Variants in ABCB5 observed in about 807,000 individuals in gnomAD.
ABCB5 encodes ATP binding cassette subfamily B member 5.
In ABCB5, 155 loss-of-function variants were observed where a neutral mutation model predicts 144.2. The ratio of observed to expected loss-of-function variants is 1.08; its 90% CI spans 0.94 to 1.23. The LOEUF (loss-of-function observed/expected upper bound fraction) is 1.23. Among genes scored for constraint, ABCB5 ranks in the 50% most tolerant of loss-of-function variants. The pLI is 0.00. For missense variants in ABCB5, 1,830 were observed against 1,520.8 expected, an observed-to-expected ratio of 1.20 and a Z score of -3.38; for synonymous variants, 610 against 528.6, an observed-to-expected ratio of 1.15 and a Z score of -2.11.
chr7:20,638,545 T>C (rs185975103), intron 5 of ABCB5, among the ~76,000 whole-genome samples: 1 of 152,308 alleles, frequency 6.6e-6, no homozygotes, highest in Admixed American at 6.5e-5. Context: ...GGCAACTCCT[T>C]ATCTGCTTTT....
chr7:20,697,693 TAATAACATCAGAAACAGC>T (rs1786468042), intron 16 of ABCB5, among the ~76,000 whole-genome samples: 1 of 152,194 alleles, frequency 6.6e-6, no homozygotes, highest in African/African-American at 2.4e-5. Context: ...CCTTCCTCTG[TAATAACATCAGAAACAGC>T]AATGACTGCT....
intron 23 of ABCB5, among the ~76,000 whole-genome samples, chr7:20,737,528 A>G (rs1782425350): frequency 1.3e-5 from 2 of 152,194 alleles, no homozygotes; most frequent in Admixed American, 1.3e-4. Context: ...CATTACTGTT[A>G]TAGTGGGAAT....
chr7:20,707,019 A>T (rs10239567), intron 20 of ABCB5, among the ~76,000 whole-genome samples: 132,940 of 152,182 alleles, frequency 0.87, 58,165 homozygotes, highest in African/African-American at 0.92. Context: ...TGTTTACCAA[A>T]CTTATTTGTC....
At chr7:20,736,704 T>G (rs1163696441) in intron 23 of ABCB5, among the ~76,000 whole-genome samples, 1 of 152,236 alleles carries the variant, frequency 6.6e-6, no homozygotes, top group Non-Finnish European at 1.5e-5. Context: ...GGTTTAACTA[T>G]GTTACGGAGT....
rs1270217461 is a variant in ABCB5 at position 20,741,379 on chromosome 7, GT to G, written c.3025-1491del. 7.3e-5 allele frequency among the ~76,000 whole-genome samples: 11 copies of G among 151,590 alleles called. 1 individual carries two copies. The highest frequency in any genetic ancestry group is 1.5e-4 in the Non-Finnish European group (10 of 67,950). The stretch of plus-strand genomic sequence containing the variant: ...ATTCTTCATGTTTCTGCGGTATTCT[GT>G]TTTTTTAAAACCTTTTTTATACAAA... On this transcript the variant is annotated intron_variant, in intron 24 of 27. Transcript: ENST00000404938.
intron 24 of ABCB5, among the ~76,000 whole-genome samples, chr7:20,740,493 T>C (rs1260615201): frequency 6.6e-6 from 1 of 152,142 alleles, no homozygotes; most frequent in Non-Finnish European, 1.5e-5. Context: ...AATAAGACTA[T>C]CTGGAAATTC....
At chr7:20,683,943 G>T (rs1485990046) in intron 15 of ABCB5, among the ~76,000 whole-genome samples, 1 of 137,306 alleles carries the variant, frequency 7.3e-6, no homozygotes, top group Non-Finnish European at 1.5e-5. Flanking sequence ...TGAACTCTTG[G>T]TCACTACAAG....
intron 14 of ABCB5, among the ~76,000 whole-genome samples, chr7:20,680,832 C>A (rs1275913001): frequency 2.6e-5 from 4 of 152,044 alleles, no homozygotes; most frequent in Admixed American, 1.3e-4. Context: ...AACTTTCTGA[C>A]TTTCTTTTTA....
At chr7:20,702,719 T>C (rs1348735505) in intron 19 of ABCB5, among the ~76,000 whole-genome samples, 2 of 145,696 alleles carry the variant, frequency 1.4e-5, no homozygotes, top group African/African-American at 5.1e-5. Context: ...TGGACTGCAA[T>C]GGCGTGATCT....
chr7:20,692,442 T>C (rs1310986727), intron 16 of ABCB5, among the ~76,000 whole-genome samples: 1 of 151,146 alleles, frequency 6.6e-6, no homozygotes, highest in Non-Finnish European at 1.5e-5. Context: ...AAATTAAAGG[T>C]TAAAATAATT....
At chr7:20,746,131 C>T (rs1019377207) in intron 26 of ABCB5, among the ~76,000 whole-genome samples, 1 of 151,644 alleles carries the variant, frequency 6.6e-6, no homozygotes, top group African/African-American at 2.4e-5. Context: ...CAGAGTTTCG[C>T]TCTTGTTGCC....
intron 16 of ABCB5, among the ~76,000 whole-genome samples, chr7:20,698,201 T>C (rs1469661502): frequency 1.3e-5 from 2 of 152,152 alleles, no homozygotes; most frequent in African/African-American, 2.4e-5. Flanking sequence ...GCACAAATAG[T>C]CACTTGTGGC....
chr7:20,742,942 T>G lies in ABCB5; in HGVS notation c.3090T>G (p.Val1030=). 1 of 1,614,162 alleles carries G rather than the reference T, an allele frequency of 6.2e-7. No individual in the cohort carries two copies. The highest frequency in any genetic ancestry group is 8.5e-7 in the Non-Finnish European group (1 of 1,180,036). Residue 1030 remains valine (V), a synonymous_variant, in exon 25 of 28, where the codon GTT becomes GTG. Coordinates refer to ENST00000404938, the MANE Select transcript of ABCB5 (RefSeq NM_001163941.2). The part of the protein sequence containing the change: ...VSFFYPCRPD[V]FILRGLSLSI... ...TCTTCTATCCATGTCGCCCAGATGT[T>G]TTCATCCTCCGTGGCTTATCCCTCA... is the stretch of plus-strand genomic sequence containing the variant.
At chr7:20,690,395 A>G (rs1176735535) in intron 16 of ABCB5, among the ~76,000 whole-genome samples, 1 of 152,232 alleles carries the variant, frequency 6.6e-6, no homozygotes, top group African/African-American at 2.4e-5. Flanking sequence ...CGATGTTTCA[A>G]TGGAATTGGC....
intron 13 of ABCB5, among the ~76,000 whole-genome samples, chr7:20,656,502 AT>A (rs1240883572): frequency 6.7e-6 from 1 of 150,242 alleles, no homozygotes; most frequent in Non-Finnish European, 1.5e-5. Context: ...CAATACATAT[AT>A]TGAAAATATG....
chr7:20,717,516 C>T (rs1781714989), intron 20 of ABCB5, among the ~76,000 whole-genome samples: 1 of 149,490 alleles, frequency 6.7e-6, no homozygotes, highest in South Asian at 2.1e-4. Flanking sequence ...TATGTTGGCT[C>T]ACTGCAACCT....
At chr7:20,626,507 C>A in intron 2 of ABCB5, 50 bp from the exon 3 acceptor site, 1 of 1,538,306 alleles carries the variant, frequency 6.5e-7, no homozygotes, top group Non-Finnish European at 8.8e-7. Flanking sequence ...AAAAATTTTG[C>A]AAATTATATT....
At chr7:20,661,573 T>A (rs1215093483) in intron 14 of ABCB5, among the ~76,000 whole-genome samples, 5 of 149,616 alleles carry the variant, frequency 3.3e-5, no homozygotes, top group African/African-American at 1.2e-4. Context: ...TCTCACTCTG[T>A]CACCCAGGCT....
At chr7:20,632,738 A>G (rs1311748785) in intron 5 of ABCB5, among the ~76,000 whole-genome samples, 6 of 152,254 alleles carry the variant, frequency 3.9e-5, no homozygotes, top group African/African-American at 1.4e-4. Context: ...GGAAATCATC[A>G]TTCTCAGTAA....
Sources: allele counts gnomAD v4.1 joint callset (sites outside exome capture counted in the v4.1 genomes callset), GRCh38; gene constraint gnomAD v4.1.1; transcripts MANE v1.5; gene names NCBI Gene and HGNC (gene_info 2026-07-23, HGNC 2026-07-21).